The following ITPR1 variants were observed in gnomAD, a reference collection of about 807,000 sequenced individuals.
The protein encoded by ITPR1 is inositol 1,4,5-trisphosphate-gated calcium channel ITPR1.
ITPR1 carries 96 observed loss-of-function variants against 318.4 expected under a neutral mutation model. That is an observed-to-expected ratio of 0.30 (90% CI 0.26 to 0.36). The LOEUF (loss-of-function observed/expected upper bound fraction) is 0.36. Ranked by LOEUF, ITPR1 falls within the 10% of genes least tolerant of loss-of-function variation. The probability of loss-of-function intolerance (pLI) is 1.00; values close to 1 mark genes in which losing one functional copy is unlikely to be tolerated. For synonymous variants in ITPR1, 1,312 were observed against 1,289.9 expected (o/e 1.02, Z -0.37); for missense variants, 2,440 against 3,460.2 (o/e 0.71, Z 7.40).
At chr3:4,713,883 A>C (rs577878199) in intron 39 of ITPR1, among the ~76,000 whole-genome samples, 1 of 152,316 alleles carries the variant, frequency 6.6e-6, no homozygotes, top group African/African-American at 2.4e-5. Context: ...ATAGGCCAGC[A>C]AGGAAAATGC....
In ITPR1 at chr3:4,846,981, G is replaced by T. The variant is rs1486349492; in HGVS notation, c.*756G>T. The T allele has an allele frequency of 6.6e-6, 1 of 152,616 alleles. No individual in the cohort carries two copies. The highest frequency in any genetic ancestry group is 1.9e-4 in the East Asian group (1 of 5,200). The allele number at this position is 152,616 out of a possible 1,614,324, so 9.5% of individuals were successfully genotyped here. On this transcript the variant is annotated 3_prime_UTR_variant, in exon 62 of 62. Transcript: ENST00000649015. ...TACTTTAGCTTGTGAAGAAGATAAT[G>T]AATTTTTTAAAGGGAACTTTCTATG...
chr3:4,588,542 G>A (rs572162378), intron 4 of ITPR1, among the ~76,000 whole-genome samples: 1 of 151,996 alleles, frequency 6.6e-6, no homozygotes, highest in Non-Finnish European at 1.5e-5. Context: ...TAAATGCTGG[G>A]CTGGTCCCGG....
At chr3:4,673,829 A>ACCCG (rs1559664556) in intron 21 of ITPR1, among the ~76,000 whole-genome samples, 25 of 152,092 alleles carry the variant, frequency 1.6e-4, no homozygotes, top group Middle Eastern at 3.4e-3. Flanking sequence ...TGAGCCGTCC[A>ACCCG]CCTCGGCCTC....
At chr3:4,714,248 G>A (rs977566951) in intron 39 of ITPR1, among the ~76,000 whole-genome samples, 6 of 152,202 alleles carry the variant, frequency 3.9e-5, no homozygotes, top group Middle Eastern at 3.2e-3. Context: ...AAACCAGTTG[G>A]CTTGAGTCAA....
chr3:4,502,740 C>T (rs1016227952), intron 2 of ITPR1, among the ~76,000 whole-genome samples: 1 of 151,934 alleles, frequency 6.6e-6, no homozygotes, highest in African/African-American at 2.4e-5. Context: ...CGCCTGGCCC[C>T]TGTACCCCTC....
intron 2 of ITPR1, among the ~76,000 whole-genome samples, chr3:4,505,268 C>T (rs2081318956): frequency 6.6e-6 from 1 of 152,224 alleles, no homozygotes. Flanking sequence ...TCTCAGCCCA[C>T]TGCAACCTCC....
chr3:4,617,830 CAAA>C (rs34216867), intron 4 of ITPR1, among the ~76,000 whole-genome samples: 1 of 141,530 alleles, frequency 7.1e-6, no homozygotes, highest in Admixed American at 7.1e-5. Flanking sequence ...TTAAAAAATG[CAAA>C]AAAAAAAAAG....
At chr3:4,811,708 T>C (rs939037998) in intron 56 of ITPR1, among the ~76,000 whole-genome samples, 1 of 152,190 alleles carries the variant, frequency 6.6e-6, no homozygotes, top group Non-Finnish European at 1.5e-5. Context: ...TTTAAACTAG[T>C]GCAACTTTTT....
intron 39 of ITPR1, among the ~76,000 whole-genome samples, chr3:4,717,121 AC>A (rs2041827168): frequency 1.3e-5 from 2 of 152,178 alleles, no homozygotes; most frequent in African/African-American, 4.8e-5. Context: ...TGGTTAAGTG[AC>A]CTGCGAGGTC....
chr3:4,599,398 A>C (rs2091099215), intron 4 of ITPR1, among the ~76,000 whole-genome samples: 2 of 152,240 alleles, frequency 1.3e-5, no homozygotes, highest in South Asian at 4.1e-4. Context: ...GAGATTTTAC[A>C]TAAAAAACAA....
At chr3:4,767,485 T>C (rs1362488077) in intron 45 of ITPR1, among the ~76,000 whole-genome samples, 1 of 152,216 alleles carries the variant, frequency 6.6e-6, no homozygotes, top group Non-Finnish European at 1.5e-5. Flanking sequence ...ATTTACTAAG[T>C]GCTTACTAGG....
At chr3:4,789,341 C>A (rs1249252409) in intron 52 of ITPR1, among the ~76,000 whole-genome samples, 1 of 152,180 alleles carries the variant, frequency 6.6e-6, no homozygotes, top group African/African-American at 2.4e-5. Context: ...TCAGAGTGTC[C>A]TCATAGCCTA....
intron 40 of ITPR1, 54 bp from the exon 41 acceptor site, chr3:4,725,491 TG>T: frequency 6.9e-7 from 1 of 1,454,442 alleles, no homozygotes; most frequent in Non-Finnish European, 9.5e-7. Flanking sequence ...GACTTCTCTG[TG>T]GCCCACGAGA....
rs973488490 is a variant in ITPR1 at position 4,520,743 on chromosome 3, G to C, written c.93-281G>C. On this transcript the variant is annotated intron_variant, in intron 3 of 61. Coordinates refer to ENST00000649015, the MANE Select transcript of ITPR1 (RefSeq NM_001378452.1). The stretch of plus-strand genomic sequence containing the variant: ...CCCCTTGCTGTGTCTCGCGACTTCA[G>C]CCACCTTGCATGCTATACTCAGATC... Among the ~76,000 whole-genome samples, 3 of 152,168 alleles carry C rather than the reference G, an allele frequency of 2.0e-5. No homozygotes were observed. The East Asian group carries it at 5.8e-4, about 29-fold the overall frequency.
At chr3:4,527,568 A>G (rs1247783921) in intron 4 of ITPR1, among the ~76,000 whole-genome samples, 1 of 152,210 alleles carries the variant, frequency 6.6e-6, no homozygotes, top group Non-Finnish European at 1.5e-5. Context: ...AGTGCAAACG[A>G]GGGTCTGGCC....
In ITPR1 at chr3:4,775,060, C is replaced by A. The variant is rs545362080; in HGVS notation, c.5980-182C>A. ...TGCATTGTTGAGGGCCATTGCCATA[C>A]ACCAAGTCCATGGGTTTATCATCAT... is the stretch of plus-strand genomic sequence containing the variant. On this transcript the variant is annotated intron_variant, in intron 46 of 61. Transcript: ENST00000649015. Among the ~76,000 whole-genome samples the A allele has an allele frequency of 9.8e-5, 15 of 152,346 alleles. 1 individual carries two copies. In the South Asian group the frequency reaches 3.1e-3, roughly 32 times the overall value.
chr3:4,711,817 C>G lies in ITPR1; in HGVS notation c.5052C>G (p.Val1684=). 1 of 1,551,702 alleles carries G rather than the reference C, an allele frequency of 6.4e-7. No homozygotes were observed. Among genetic ancestry groups the G allele is most frequent in the South Asian group, 1.2e-5 (1 of 83,740 alleles). The change falls in exon 39 of 62, where the codon GTC becomes GTG. Residue 1684 remains valine, a synonymous_variant. Transcript: ENST00000649015. Reference sequence around the variant, plus strand: ...ATGAAGAGAAGCTCTGCATTAAGGTCCTACAGACCCTGAGGGAAATGATGA... The same window carrying G: ...ATGAAGAGAAGCTCTGCATTAAGGTGCTACAGACCCTGAGGGAAATGATGA... ...EENEEKLCIK[V]LQTLREMMTK... is the part of the protein sequence containing the mutation.
At chr3:4,737,724 G>A (rs747979506) in intron 44 of ITPR1, among the ~76,000 whole-genome samples, 14 of 152,318 alleles carry the variant, frequency 9.2e-5, no homozygotes, top group East Asian at 1.9e-4. Flanking sequence ...GCAGTAATTT[G>A]TGGAAGAGCT....
rs145395166 is a variant in ITPR1, at chr3:4,671,182, G to A, written c.2204+256G>A. Among the ~76,000 whole-genome samples the A allele has an allele frequency of 2.2e-4, 33 of 152,266 alleles. No homozygotes were observed. In the East Asian group the frequency reaches 5.8e-3, roughly 27 times the overall value. On this transcript the variant is annotated intron_variant, in intron 20 of 61. Transcript: ENST00000649015. ...TGATAGTTTATCCTTCAGCAGCATG[G>A]CCCATAGATATGGTGGTAGGTACGT...
Sources: gnomAD v4.1 joint callset for allele counts (sites outside exome capture counted in the v4.1 genomes callset) on GRCh38, gnomAD v4.1.1 for gene constraint, MANE v1.5 for transcripts, NCBI Gene and HGNC (gene_info 2026-07-23, HGNC 2026-07-21) for gene names.